Variants in HERC4 observed in about 807,000 individuals in gnomAD.
HERC4 encodes HECT and RLD domain containing E3 ubiquitin protein ligase 4, also known as probable E3 ubiquitin-protein ligase HERC4.
Under a neutral mutation model 124.3 loss-of-function variants are expected in HERC4, and 28 were observed. The observed-to-expected ratio is 0.23, with a 90% CI of 0.17 to 0.31. HERC4 has a LOEUF of 0.31. Among genes scored for constraint, HERC4 ranks in the 10% least tolerant of loss-of-function variants. The probability of loss-of-function intolerance (pLI) is 1.00; values close to 1 mark genes in which losing one functional copy is unlikely to be tolerated. For synonymous variants in HERC4, 407 were observed against 421.5 expected (o/e 0.97, Z 0.42); for missense variants, 713 against 1,229.3 (o/e 0.58, Z 6.28).
intron 3 of HERC4, among the ~76,000 whole-genome samples, chr10:68,062,358 T>C (rs1326398379): frequency 2.0e-5 from 3 of 152,174 alleles, no homozygotes; most frequent in African/African-American, 4.8e-5. Flanking sequence ...TACCTGGCTC[T>C]TTCCGTTACA....
chr10:67,982,195 T>C (rs1488556201), intron 15 of HERC4, among the ~76,000 whole-genome samples: 2 of 152,122 alleles, frequency 1.3e-5, no homozygotes, highest in Non-Finnish European at 2.9e-5. Context: ...CGAGGAATCA[T>C]ATTACCTGAC....
intron 7 of HERC4, among the ~76,000 whole-genome samples, chr10:68,026,521 A>T (rs566020299): frequency 3.3e-5 from 5 of 152,254 alleles, no homozygotes; most frequent in African/African-American, 9.6e-5. Flanking sequence ...AGCCTGGCCA[A>T]CATGGTGAAA....
At chr10:68,046,709 A>T (rs1230569413) in intron 3 of HERC4, among the ~76,000 whole-genome samples, 1 of 152,242 alleles carries the variant, frequency 6.6e-6, no homozygotes, top group African/African-American at 2.4e-5. Context: ...GCTCACATCT[A>T]TAATCCCAGC....
intron 9 of HERC4, chr10:68,010,673 G>C (rs567709647): frequency 1.4e-6 from 2 of 1,474,124 alleles, no homozygotes; most frequent in Non-Finnish European, 1.9e-6. Context: ...TCTGCAGCAA[G>C]GGCCGCGCCG....
chr10:67,977,402 A>G (rs1326495796), intron 15 of HERC4, among the ~76,000 whole-genome samples: 2 of 152,176 alleles, frequency 1.3e-5, no homozygotes, highest in African/African-American at 4.8e-5. Context: ...CTGAATAATC[A>G]GCAGCAATAT....
intron 7 of HERC4, among the ~76,000 whole-genome samples, chr10:68,031,436 T>C (rs2039196744): frequency 6.6e-6 from 1 of 152,166 alleles, no homozygotes; most frequent in African/African-American, 2.4e-5. Flanking sequence ...AGTGATTACA[T>C]TTGTTATCTG....
At chr10:68,039,767 C>T in intron 4 of HERC4, 3 of 1,197,210 alleles carry the variant, frequency 2.5e-6, no homozygotes, top group Non-Finnish European at 3.1e-6. Flanking sequence ...CAACTGTGCT[C>T]AAATTACTAA....
At chr10:67,995,167 G>T (rs2036791392) in intron 9 of HERC4, 1 of 429,386 alleles carries the variant, frequency 2.3e-6, no homozygotes, top group Admixed American at 2.6e-5. Flanking sequence ...ATCACCATTT[G>T]GTTATTTCAG....
chr10:68,043,213 G>A (rs990307052), intron 4 of HERC4, among the ~76,000 whole-genome samples: 1 of 152,124 alleles, frequency 6.6e-6, no homozygotes, highest in Non-Finnish European at 1.5e-5. Context: ...GACTGGTAGA[G>A]TAAAAATAAA....
intron 19 of HERC4, among the ~76,000 whole-genome samples, chr10:67,945,599 T>A (rs955054122): frequency 1.4e-5 from 2 of 141,520 alleles, no homozygotes; most frequent in Non-Finnish European, 3.2e-5. Flanking sequence ...ATCTTGAGTA[T>A]AAAGACTAAA....
intron 24 of HERC4, 87 bp from the exon 25 acceptor site, chr10:67,923,226 G>T: frequency 2.0e-6 from 2 of 977,106 alleles, no homozygotes; most frequent in South Asian, 1.5e-5. Context: ...CTACAGCAGA[G>T]CTTCACTTTA....
intron 3 of HERC4, among the ~76,000 whole-genome samples, chr10:68,047,496 A>C (rs1043522453): frequency 6.6e-6 from 1 of 152,250 alleles, no homozygotes; most frequent in African/African-American, 2.4e-5. Flanking sequence ...ATTAATCCAA[A>C]GTAAACAAAG....
intron 3 of HERC4, among the ~76,000 whole-genome samples, chr10:68,048,301 A>G (rs1163253641): frequency 2.6e-5 from 4 of 152,330 alleles, no homozygotes; most frequent in African/African-American, 9.6e-5. Context: ...GTGAATGGAT[A>G]AACTGTGGTA....
chr10:68,041,341 T>TA (rs1226042602), intron 4 of HERC4, among the ~76,000 whole-genome samples: 1 of 152,208 alleles, frequency 6.6e-6, no homozygotes, highest in Non-Finnish European at 1.5e-5. Context: ...AGTAGATTTT[T>TA]AAAAAAATGA....
intron 22 of HERC4, among the ~76,000 whole-genome samples, chr10:67,935,009 G>A (rs775312751): frequency 6.7e-5 from 10 of 148,880 alleles, no homozygotes; most frequent in South Asian, 2.1e-4. Context: ...TGGATGTCAC[G>A]CATCATTCTG....
chr10:67,927,449 T>TA (rs2131984334), intron 23 of HERC4, among the ~76,000 whole-genome samples: 1 of 108,274 alleles, frequency 9.2e-6, no homozygotes, highest in African/African-American at 3.2e-5. Flanking sequence ...TTTTTTTAGA[T>TA]AGAGTCTTGC....
intron 16 of HERC4, among the ~76,000 whole-genome samples, chr10:67,960,154 T>C (rs1397680929): frequency 2.0e-5 from 3 of 152,218 alleles, no homozygotes; most frequent in East Asian, 1.9e-4. Flanking sequence ...CAGGATGTGA[T>C]TGAACCCCAG....
chr10:68,072,508 T>C (rs2041623057), intron 3 of HERC4, among the ~76,000 whole-genome samples: 1 of 152,082 alleles, frequency 6.6e-6, no homozygotes, highest in Admixed American at 6.5e-5. Context: ...TCCTCCCCCC[T>C]CCCAAAGTAA....
At chr10:68,052,714 C>T (rs1333776205) in intron 3 of HERC4, among the ~76,000 whole-genome samples, 1 of 152,162 alleles carries the variant, frequency 6.6e-6, no homozygotes, top group African/African-American at 2.4e-5. Flanking sequence ...GTATCATCAA[C>T]TCCAATTCAT....
Sources: allele counts gnomAD v4.1 joint callset (sites outside exome capture counted in the v4.1 genomes callset), GRCh38; gene constraint gnomAD v4.1.1; transcripts MANE v1.5; gene names NCBI Gene and HGNC (gene_info 2026-07-23, HGNC 2026-07-21).